The following HDAC9 variants were observed in gnomAD, a reference collection of about 807,000 sequenced individuals.
HDAC9 encodes histone deacetylase 9.
In HDAC9, 41 loss-of-function variants were observed where a neutral mutation model predicts 139.4. That is an observed-to-expected ratio of 0.29 (90% CI 0.23 to 0.38). HDAC9 has a LOEUF of 0.38. HDAC9 is among the 10% of genes least tolerant of loss of function. HDAC9 has a pLI of 1.00. For synonymous variants in HDAC9, 517 were observed against 476.2 expected, an observed-to-expected ratio of 1.09 and a Z score of -1.12; for missense variants, 1,147 against 1,297.0, an observed-to-expected ratio of 0.88 and a Z score of 1.78.
At chr7:18,396,988 A>G (rs1380776917) in intron 1 of HDAC9, among the ~76,000 whole-genome samples, 1 of 152,078 alleles carries the variant, frequency 6.6e-6, no homozygotes, top group Non-Finnish European at 1.5e-5. Context: ...CTTGCCCCAG[A>G]ATTCAGTCTT....
At chr7:18,141,645 C>T (rs968106956) in intron 1 of HDAC9, among the ~76,000 whole-genome samples, 7 of 151,938 alleles carry the variant, frequency 4.6e-5, no homozygotes, top group South Asian at 4.1e-4. Flanking sequence ...ATGCAATGTC[C>T]GTGGGGCTTT....
intron 1 of HDAC9, among the ~76,000 whole-genome samples, chr7:18,462,436 C>T (rs1425793647): frequency 1.3e-5 from 2 of 151,962 alleles, no homozygotes; most frequent in Non-Finnish European, 2.9e-5. Flanking sequence ...AGAAAATGCT[C>T]AATGAACATA....
chr7:18,247,771 T>C (rs1434032220), intron 2 of HDAC9, among the ~76,000 whole-genome samples: 1 of 152,170 alleles, frequency 6.6e-6, no homozygotes, highest in Non-Finnish European at 1.5e-5. Context: ...TTTGTCATCA[T>C]TTAAAAAGAA....
chr7:18,203,368 T>C (rs1007859941), intron 2 of HDAC9, among the ~76,000 whole-genome samples: 1 of 152,218 alleles, frequency 6.6e-6, no homozygotes, highest in Admixed American at 6.5e-5. Context: ...TTAAATTATT[T>C]TGTGCAGTTT....
chr7:18,189,864 A>C (rs1246371942), intron 2 of HDAC9, among the ~76,000 whole-genome samples: 1 of 152,128 alleles, frequency 6.6e-6, no homozygotes, highest in Admixed American at 6.6e-5. Context: ...AGATATTTTT[A>C]TGTGAGCACA....
At chr7:18,409,312 A>G (rs1256688368) in intron 1 of HDAC9, among the ~76,000 whole-genome samples, 2 of 152,188 alleles carry the variant, frequency 1.3e-5, no homozygotes, top group African/African-American at 2.4e-5. Flanking sequence ...ATATATCATA[A>G]AAGTGTGTAT....
intron 1 of HDAC9, among the ~76,000 whole-genome samples, chr7:18,132,440 C>T (rs1181941528): frequency 6.6e-6 from 1 of 151,988 alleles, no homozygotes; most frequent in Non-Finnish European, 1.5e-5. Context: ...GCCTTTGTCT[C>T]ACTCTGGTGC....
intron 1 of HDAC9, among the ~76,000 whole-genome samples, chr7:18,154,630 C>G (rs1787037444): frequency 6.6e-6 from 1 of 152,180 alleles, no homozygotes; most frequent in South Asian, 2.1e-4. Context: ...TCCAGACCGC[C>G]TAGCTAGTGA....
At chr7:18,485,341 A>G (rs1795894381) in intron 1 of HDAC9, among the ~76,000 whole-genome samples, 1 of 152,040 alleles carries the variant, frequency 6.6e-6, no homozygotes, top group South Asian at 2.1e-4. Context: ...CTTATTTGGC[A>G]GTTAGGAATC....
chr7:18,354,943 C>G (rs555987163), intron 1 of HDAC9, among the ~76,000 whole-genome samples: 235 of 152,224 alleles, frequency 1.5e-3, no homozygotes, highest in African/African-American at 5.3e-3. Context: ...TGCACTGAAA[C>G]CACAGCTGGT....
upstream of HDAC9, among the ~76,000 whole-genome samples, chr7:18,289,939 C>T (rs147285144): frequency 6.6e-6 from 1 of 152,012 alleles, no homozygotes; most frequent in East Asian, 1.9e-4. Flanking sequence ...GAAAGAAAGT[C>T]GTCAGAGCCA....
At chr7:18,606,902 T>C (rs1490561353) in intron 6 of HDAC9, among the ~76,000 whole-genome samples, 1 of 152,178 alleles carries the variant, frequency 6.6e-6, no homozygotes, top group African/African-American at 2.4e-5. Context: ...GAGTTAGTGG[T>C]ATACAAGGTA....
chr7:18,852,670 G>A (rs1797388721), intron 21 of HDAC9, among the ~76,000 whole-genome samples: 1 of 152,136 alleles, frequency 6.6e-6, no homozygotes, highest in Admixed American at 6.6e-5. Flanking sequence ...ACCATGGAAT[G>A]AGCCTTAAGT....
intron 24 of HDAC9, among the ~76,000 whole-genome samples, chr7:18,975,565 C>A (rs536486308): frequency 6.6e-6 from 1 of 152,208 alleles, no homozygotes; most frequent in Non-Finnish European, 1.5e-5. Context: ...ATGGATTATT[C>A]CTCACTTTAT....
chr7:18,432,126 G>A (rs930580333), intron 1 of HDAC9, among the ~76,000 whole-genome samples: 5 of 152,148 alleles, frequency 3.3e-5, no homozygotes, highest in Non-Finnish European at 5.9e-5. Context: ...TCAATCAAAT[G>A]TTGCTTTCTT....
intron 14 of HDAC9, among the ~76,000 whole-genome samples, chr7:18,754,616 G>A (rs1788723952): frequency 6.6e-6 from 1 of 152,082 alleles, no homozygotes; most frequent in Admixed American, 6.6e-5. Context: ...AGAACCATAA[G>A]CAACATACAG....
intron 2 of HDAC9, among the ~76,000 whole-genome samples, chr7:18,182,552 GT>G (rs1270487298): frequency 5.3e-5 from 8 of 152,172 alleles, no homozygotes; most frequent in Admixed American, 1.3e-4. Flanking sequence ...CATTTGTTGA[GT>G]TTTTCTCACA....
In HDAC9 at chr7:18,780,130, G is replaced by A. The variant is rs560814380; in HGVS notation, c.2214+12975G>A. On this transcript the variant is annotated intron_variant, in intron 16 of 25. Coordinates refer to ENST00000686413, the MANE Select transcript of HDAC9 (RefSeq NM_178425.4). ...AGGGATGGCATTGCTACTCATCCGTGGACCACATTTTGAGTGGTAAGATCC... is the reference window on the plus strand; with the variant it reads ...AGGGATGGCATTGCTACTCATCCGTAGACCACATTTTGAGTGGTAAGATCC... 5.9e-5 allele frequency among the ~76,000 whole-genome samples: 9 copies of A among 152,048 alleles called. No homozygotes were observed. In the South Asian group the frequency reaches 1.9e-3, roughly 32 times the overall value.
At chr7:18,487,757 A>G (rs1369411533) in intron 1 of HDAC9, among the ~76,000 whole-genome samples, 1 of 152,064 alleles carries the variant, frequency 6.6e-6, no homozygotes, top group Non-Finnish European at 1.5e-5. Context: ...TGCTATTTTC[A>G]GAGGCTAGCT....
Sources: allele counts gnomAD v4.1 joint callset (sites outside exome capture counted in the v4.1 genomes callset), GRCh38; gene constraint gnomAD v4.1.1; transcripts MANE v1.5; gene names NCBI Gene and HGNC (gene_info 2026-07-23, HGNC 2026-07-21).